EVI5: variants seen among roughly 807,000 people sequenced by gnomAD.
EVI5 encodes the protein ecotropic viral integration site 5, also known as ecotropic viral integration site 5 protein homolog.
A neutral mutation model predicts 112.0 loss-of-function variants in EVI5; 73 were observed. The observed-to-expected ratio is 0.65, with a 90% CI of 0.54 to 0.79. The LOEUF (loss-of-function observed/expected upper bound fraction) is 0.79, where lower values mean the gene tolerates loss of function less well. Among genes scored for constraint, EVI5 ranks in the 30% least tolerant of loss-of-function variants. EVI5 has a pLI of 0.00. For synonymous variants in EVI5, 305 were observed against 319.9 expected (o/e 0.95, Z 0.50); for missense variants, 900 against 968.8 (o/e 0.93, Z 0.94).
rs1222901778 is a variant in EVI5 at position 92,539,139 on chromosome 1, G to C, written c.2166+24503C>G. Among the ~76,000 whole-genome samples the C allele has an allele frequency of 2.6e-5, 4 of 152,124 alleles. No individual in the cohort carries two copies. The East Asian group carries it at 7.7e-4, about 29-fold the overall frequency. ...TACTATGTCCCAGGCTCTGTTTTAA[G>C]TGCTTTTCCAGCATTAATTTACTTA... On this transcript the variant is annotated intron_variant, in intron 19 of 19. Transcript: ENST00000684568.
intron 18 of EVI5, among the ~76,000 whole-genome samples, chr1:92,566,074 T>TAAGG (rs1669435934): frequency 6.6e-6 from 1 of 151,116 alleles, no homozygotes; most frequent in Non-Finnish European, 1.5e-5. Context: ...ATTGTATCTC[T>TAAGG]AACTACCCTT....
chr1:92,772,474 TA>T (rs1683556517), intron 1 of EVI5, among the ~76,000 whole-genome samples: 1 of 152,046 alleles, frequency 6.6e-6, no homozygotes, highest in South Asian at 2.1e-4. Context: ...CGGGTGCCTG[TA>T]ATTTCTTGGG....
intron 18 of EVI5, among the ~76,000 whole-genome samples, chr1:92,590,559 TAGAGAAAAAATAATAAAAAGAAATGAAC>T (rs1191056051): frequency 6.6e-6 from 1 of 151,990 alleles, no homozygotes; most frequent in Non-Finnish European, 1.5e-5. Context: ...AAGAGAAGTT[TAGAGAAAAAATAATAAAAAGAAATGAAC>T]AGTCTCCAAG....
At chr1:92,739,847 G>A (rs1050538267) in intron 1 of EVI5, among the ~76,000 whole-genome samples, 3 of 151,824 alleles carry the variant, frequency 2.0e-5, no homozygotes, top group African/African-American at 7.3e-5. Flanking sequence ...CATTTCTAGA[G>A]TATAATATTC....
intron 14 of EVI5, among the ~76,000 whole-genome samples, chr1:92,627,996 G>A (rs1319574080): frequency 6.6e-6 from 1 of 152,032 alleles, no homozygotes; most frequent in African/African-American, 2.4e-5. Context: ...CATTATCTTG[G>A]CCAGGCTGCT....
chr1:92,555,575 C>T (rs953081407), intron 19 of EVI5, among the ~76,000 whole-genome samples: 1 of 152,008 alleles, frequency 6.6e-6, no homozygotes, highest in Non-Finnish European at 1.5e-5. Flanking sequence ...CATGGCCGGG[C>T]GTGGTGGCTC....
chr1:92,597,375 TG>T (rs1648153981), intron 18 of EVI5, among the ~76,000 whole-genome samples: 1 of 152,218 alleles, frequency 6.6e-6, no homozygotes, highest in African/African-American at 2.4e-5. Context: ...TGATAATAGT[TG>T]GCATCTTCTT....
chr1:92,617,760 A>T (rs1291294092), intron 16 of EVI5, among the ~76,000 whole-genome samples: 4 of 152,046 alleles, frequency 2.6e-5, no homozygotes, highest in African/African-American at 9.7e-5. Flanking sequence ...ATTATATTGG[A>T]CCTTTTCCAT....
chr1:92,677,325 T>A, intron 9 of EVI5, 107 bp from the exon 10 acceptor site: 1 of 589,086 alleles, frequency 1.7e-6, no homozygotes, highest in Non-Finnish European at 2.9e-6. Context: ...ATTTCTTTAG[T>A]TTCTTCTAGC....
chr1:92,792,265 A>C, intron 1 of EVI5: 6 of 921,074 alleles, frequency 6.5e-6, no homozygotes, highest in Non-Finnish European at 1.1e-5. Context: ...TCCTAACTCA[A>C]TAACAAATTA....
At chr1:92,679,202 T>G (rs1667213422) in intron 9 of EVI5, among the ~76,000 whole-genome samples, 1 of 152,114 alleles carries the variant, frequency 6.6e-6, no homozygotes, top group Non-Finnish European at 1.5e-5. Context: ...ACTGATGATC[T>G]GACATGAGGT....
intron 5 of EVI5, among the ~76,000 whole-genome samples, chr1:92,699,625 T>G (rs931287851): frequency 6.6e-6 from 1 of 152,154 alleles, no homozygotes; most frequent in African/African-American, 2.4e-5. Context: ...CTATACCATA[T>G]AGCTTACTAT....
intron 16 of EVI5, among the ~76,000 whole-genome samples, chr1:92,614,395 G>T (rs1652564133): frequency 6.6e-6 from 1 of 152,134 alleles, no homozygotes; most frequent in South Asian, 2.1e-4. Flanking sequence ...AAATATCTGT[G>T]ATGGTTAATA....
At chr1:92,652,718 C>T (rs934819396) in intron 13 of EVI5, among the ~76,000 whole-genome samples, 4 of 152,054 alleles carry the variant, frequency 2.6e-5, no homozygotes, top group Non-Finnish European at 5.9e-5. Flanking sequence ...GGAGAGGGTT[C>T]GAGATGAATG....
intron 9 of EVI5, among the ~76,000 whole-genome samples, chr1:92,677,501 C>T (rs1275332331): frequency 3.3e-5 from 5 of 152,092 alleles, no homozygotes; most frequent in African/African-American, 1.2e-4. Context: ...TCTTTTCAGC[C>T]CTAAACTTAC....
At chr1:92,639,287 T>C (rs1436997794) in intron 13 of EVI5, among the ~76,000 whole-genome samples, 2 of 152,156 alleles carry the variant, frequency 1.3e-5, no homozygotes, top group African/African-American at 4.8e-5. Flanking sequence ...AAGTCCTCAG[T>C]AATCCTTTTT....
chr1:92,731,221 G>T (rs1676412616), intron 2 of EVI5, among the ~76,000 whole-genome samples: 1 of 152,142 alleles, frequency 6.6e-6, no homozygotes. Flanking sequence ...TACTCAGGAG[G>T]CTGAGGGAGA....
Position 92,792,361 on chromosome 1 carries a change from T to C in EVI5, c.34A>G (p.Asn12Asp), listed in dbSNP as rs1426541669. ...ACATTTACCTGTTTCCCACTAGGGTTTCTAAAGGCAGCAGTCATTTTGTTG... is the reference window on the plus strand; with the variant it reads ...ACATTTACCTGTTTCCCACTAGGGTCTCTAAAGGCAGCAGTCATTTTGTTG... The change falls in exon 1 of 18, where the codon AAC becomes GAC. Residue 12 changes from asparagine (N) to aspartate (D), a missense_variant. Asn to Asp is a conservative substitution (Grantham distance 23). Coordinates refer to the EVI5 transcript ENST00000370331. The C allele has an allele frequency of 2.5e-6, 4 of 1,609,404 alleles. No homozygotes were observed. Among genetic ancestry groups the C allele is most frequent in the Admixed American group, 3.3e-5 (2 of 59,992 alleles).
chr1:92,728,638 T>C (rs2102751545), intron 2 of EVI5, among the ~76,000 whole-genome samples: 1 of 152,330 alleles, frequency 6.6e-6, no homozygotes, highest in African/African-American at 2.4e-5. Context: ...TCCGCCCACC[T>C]TGGCCTCCCA....
Sources: gnomAD v4.1 joint callset for allele counts (sites outside exome capture counted in the v4.1 genomes callset) on GRCh38, gnomAD v4.1.1 for gene constraint, MANE v1.5 for transcripts, NCBI Gene and HGNC (gene_info 2026-07-23, HGNC 2026-07-21) for gene names.